The following NEK11 variants were observed in gnomAD, a reference collection of about 807,000 sequenced individuals.
NEK11 encodes the protein serine/threonine-protein kinase Nek11.
A neutral mutation model predicts 80.7 loss-of-function variants in NEK11; 72 were observed. That is an observed-to-expected ratio of 0.89 (90% CI 0.74 to 1.08). NEK11 has a LOEUF of 1.08. Among genes scored for constraint, NEK11 ranks in the 50% least tolerant of loss-of-function variants. The probability of loss-of-function intolerance (pLI) is 0.00; values close to 1 mark genes in which losing one functional copy is unlikely to be tolerated. For missense variants in NEK11, 764 were observed against 763.6 expected, an observed-to-expected ratio of 1.00 and a Z score of -0.01; for synonymous variants, 251 against 260.7, an observed-to-expected ratio of 0.96 and a Z score of 0.36.
chr3:131,203,688 A>G (rs1052929855), intron 14 of NEK11, among the ~76,000 whole-genome samples: 2 of 135,966 alleles, frequency 1.5e-5, no homozygotes, highest in South Asian at 4.6e-4. Flanking sequence ...CATAAAGTTC[A>G]TATATATATG....
chr3:131,330,534 GAGA>G (rs1446195141), intron 17 of NEK11: 2 of 152,216 alleles, frequency 1.3e-5, no homozygotes, highest in African/African-American at 4.8e-5. Flanking sequence ...AGTCAAATCA[GAGA>G]AGATCATTTT....
chr3:131,077,658 A>G (rs2074584070), intron 3 of NEK11, among the ~76,000 whole-genome samples: 1 of 152,228 alleles, frequency 6.6e-6, no homozygotes, highest in African/African-American at 2.4e-5. Context: ...TTATATTGTC[A>G]TGCTTAACCA....
chr3:131,273,528 A>C lies in NEK11; in HGVS notation c.1672A>C (p.Ile558Leu), dbSNP rs756367991. 6.2e-7 allele frequency: 1 copy of C among 1,614,028 alleles called. No individual in the cohort carries two copies. Among genetic ancestry groups the C allele is most frequent in the African/African-American group, 1.3e-5 (1 of 75,014 alleles). ...TGAAGACATGTCCCCAGGACCACCAATTTTCAACAGTGTGATGGCCAGGAC... is the reference window on the plus strand; with the variant it reads ...TGAAGACATGTCCCCAGGACCACCACTTTTCAACAGTGTGATGGCCAGGAC... ...MAEDMSPGPP[I>L]FNSVMARTKM... is the part of the protein sequence containing the mutation. Residue 558 changes from isoleucine to leucine, a missense_variant, in exon 17 of 18, where the codon ATT becomes CTT. Physicochemically the swap from Ile to Leu is conservative, Grantham distance 5. Coordinates refer to ENST00000383366, the MANE Select transcript of NEK11 (RefSeq NM_024800.5).
chr3:131,334,493 T>C (rs1462677388), intron 17 of NEK11, among the ~76,000 whole-genome samples: 2 of 151,048 alleles, frequency 1.3e-5, no homozygotes, highest in Non-Finnish European at 2.9e-5. Flanking sequence ...TTTATAGCAC[T>C]AAATGCCCAC....
chr3:131,294,869 GCT>G lies in NEK11; in HGVS notation c.1718+21298_1718+21299del, dbSNP rs1385901993. On this transcript the variant is annotated intron_variant, in intron 17 of 17. Coordinates refer to ENST00000383366, the MANE Select transcript of NEK11 (RefSeq NM_024800.5). ...CATAGCTTCCCTTGCTTTGAAATCT[GCT>G]CTGTCTGAAATTATTAAGGCTCCCC... Among the ~76,000 whole-genome samples the G allele has an allele frequency of 2.6e-5, 4 of 152,092 alleles. No homozygotes were observed. The South Asian group carries it at 6.2e-4, about 24-fold the overall frequency.
intron 17 of NEK11, among the ~76,000 whole-genome samples, chr3:131,337,036 C>T (rs935313371): frequency 1.3e-5 from 2 of 152,100 alleles, no homozygotes; most frequent in African/African-American, 2.4e-5. Context: ...ACTAGTTCAA[C>T]CATTGTGGAA....
At chr3:131,238,099 A>G (rs1172553040) in intron 15 of NEK11, among the ~76,000 whole-genome samples, 5 of 152,072 alleles carry the variant, frequency 3.3e-5, no homozygotes, top group Non-Finnish European at 5.9e-5. Context: ...GGGAGCCTTG[A>G]ATGCTCTTCC....
intron 3 of NEK11, among the ~76,000 whole-genome samples, chr3:131,064,861 G>A (rs2071602048): frequency 6.6e-6 from 1 of 152,072 alleles, no homozygotes. Flanking sequence ...ATGCTAGATG[G>A]AGATGTGCTT....
At chr3:131,112,129 A>T (rs371214144) in intron 5 of NEK11, among the ~76,000 whole-genome samples, 3 of 152,212 alleles carry the variant, frequency 2.0e-5, no homozygotes, top group East Asian at 1.9e-4. Context: ...AGAAATGTCC[A>T]TAGAAGCCTT....
intron 3 of NEK11, among the ~76,000 whole-genome samples, chr3:131,069,218 T>G (rs1186346824): frequency 6.6e-6 from 1 of 152,082 alleles, no homozygotes; most frequent in Non-Finnish European, 1.5e-5. Flanking sequence ...AGTGTTTATC[T>G]TTTCTCATTT....
chr3:131,304,172 A>G (rs916766008), intron 17 of NEK11, among the ~76,000 whole-genome samples: 6 of 151,766 alleles, frequency 4.0e-5, no homozygotes, highest in Non-Finnish European at 8.8e-5. Flanking sequence ...GAGCTTTGAA[A>G]TTTTTTCCAC....
At chr3:131,129,759 C>T (rs148188400) in intron 5 of NEK11, among the ~76,000 whole-genome samples, 6 of 152,250 alleles carry the variant, frequency 3.9e-5, no homozygotes, top group East Asian at 1.9e-4. Context: ...ACTGTATTCA[C>T]GCAGTTTTAT....
intron 17 of NEK11, among the ~76,000 whole-genome samples, chr3:131,308,824 A>G (rs1247869744): frequency 6.6e-6 from 1 of 151,958 alleles, no homozygotes; most frequent in Non-Finnish European, 1.5e-5. Context: ...GTTTTGTGGA[A>G]GACAATTTTT....
intron 7 of NEK11, among the ~76,000 whole-genome samples, chr3:131,146,989 C>T (rs2088483826): frequency 6.6e-6 from 1 of 152,062 alleles, no homozygotes; most frequent in African/African-American, 2.4e-5. Context: ...TCTTCCTTTT[C>T]ACTCTCCTAA....
chr3:131,118,727 C>T (rs1013419631), intron 5 of NEK11, among the ~76,000 whole-genome samples: 14 of 152,110 alleles, frequency 9.2e-5, no homozygotes, highest in African/African-American at 2.9e-4. Context: ...AGGAATTTAT[C>T]CGTTTGTTCT....
intron 17 of NEK11, among the ~76,000 whole-genome samples, chr3:131,296,167 C>T (rs1424562541): frequency 6.6e-6 from 1 of 152,084 alleles, no homozygotes. Flanking sequence ...CAACATTATA[C>T]CACTTCATAG....
At chr3:131,330,584 A>G (rs561379064) in intron 17 of NEK11, 7 of 152,304 alleles carry the variant, frequency 4.6e-5, no homozygotes, top group African/African-American at 1.7e-4. Context: ...AGTTTCTTGG[A>G]GTCTTCTTCC....
chr3:131,181,379 A>G (rs2093331177), intron 14 of NEK11, among the ~76,000 whole-genome samples: 1 of 152,234 alleles, frequency 6.6e-6, no homozygotes, highest in South Asian at 2.1e-4. Flanking sequence ...CCCAGAAAGG[A>G]AGGCACCCTG....
At chr3:131,304,813 G>T (rs193289254) in intron 17 of NEK11, among the ~76,000 whole-genome samples, 32 of 152,282 alleles carry the variant, frequency 2.1e-4, no homozygotes, top group African/African-American at 7.2e-4. Context: ...AAAGAGTTCT[G>T]TTGGGGCAAT....
Sources: allele counts gnomAD v4.1 joint callset (sites outside exome capture counted in the v4.1 genomes callset), GRCh38; gene constraint gnomAD v4.1.1; transcripts MANE v1.5; gene names NCBI Gene and HGNC (gene_info 2026-07-23, HGNC 2026-07-21).